The following HIVEP3 variants were observed in gnomAD, a reference collection of about 807,000 sequenced individuals.
HIVEP3 encodes HIVEP zinc finger 3.
In HIVEP3, 49 loss-of-function variants were observed where a neutral mutation model predicts 152.8. That is an observed-to-expected ratio of 0.32 (90% confidence interval 0.26 to 0.41). The LOEUF (loss-of-function observed/expected upper bound fraction) is 0.41, where lower values mean the gene tolerates loss of function less well. Ranked by LOEUF, HIVEP3 falls within the 10% of genes least tolerant of loss-of-function variation. The probability of loss-of-function intolerance (pLI) is 1.00; values close to 1 mark genes in which losing one functional copy is unlikely to be tolerated. For missense variants in HIVEP3, 2,790 were observed against 3,103.3 expected (o/e 0.90, Z 2.40); for synonymous variants, 1,269 against 1,289.0 (o/e 0.98, Z 0.33).
chr1:41,508,815 G>T lies in HIVEP3; in HGVS notation c.*1636C>A, dbSNP rs899154980. 6.6e-6 allele frequency: 1 copy of T among 152,370 alleles called. No homozygotes were observed. Among genetic ancestry groups the T allele is most frequent in the Non-Finnish European group, 1.5e-5 (1 of 68,156 alleles). 9.4% of individuals were successfully genotyped at this position (152,370 alleles called of 1,614,324 possible). ...TCACACAGCCTGGCTGAGGACTGGG[G>T]ATTAGCCAGAGAGGTCCCTGCTCTG... On this transcript the variant is annotated 3_prime_UTR_variant, in exon 9 of 9. Transcript: ENST00000372583.
intron 1 of HIVEP3, among the ~76,000 whole-genome samples, chr1:41,818,675 A>G (rs1227371077): frequency 6.6e-6 from 1 of 152,202 alleles, no homozygotes. Flanking sequence ...GAACCCAGTC[A>G]GTAGCAGATG....
At chr1:41,911,072 A>G (rs896500137) in intron 1 of HIVEP3, among the ~76,000 whole-genome samples, 3 of 152,182 alleles carry the variant, frequency 2.0e-5, no homozygotes, top group African/African-American at 2.4e-5. Flanking sequence ...ATGGTGAGAA[A>G]AAATAACACA....
intron 2 of HIVEP3, among the ~76,000 whole-genome samples, chr1:41,663,879 C>T (rs1645755471): frequency 6.6e-6 from 1 of 152,168 alleles, no homozygotes; most frequent in East Asian, 1.9e-4. Context: ...CTCCCAGGGC[C>T]CAATCCCAGC....
chr1:41,854,056 CG>C (rs1373597599), intron 1 of HIVEP3, among the ~76,000 whole-genome samples: 1 of 152,162 alleles, frequency 6.6e-6, no homozygotes, highest in African/African-American at 2.4e-5. Context: ...TTCACTCACC[CG>C]GCTGTACCTA....
intron 3 of HIVEP3, among the ~76,000 whole-genome samples, chr1:41,608,261 C>T (rs540707406): frequency 6.6e-6 from 1 of 152,286 alleles, no homozygotes; most frequent in Admixed American, 6.5e-5. Flanking sequence ...AGGAAGTGGC[C>T]AGGGAACTCC....
intron 1 of HIVEP3, among the ~76,000 whole-genome samples, chr1:41,898,712 C>T (rs992742291): frequency 1.3e-5 from 2 of 152,246 alleles, no homozygotes; most frequent in Non-Finnish European, 2.9e-5. Context: ...TGTCTGAGTT[C>T]TGAAGGTAGC....
intron 1 of HIVEP3, among the ~76,000 whole-genome samples, chr1:41,989,546 G>C (rs976174108): frequency 6.6e-6 from 1 of 152,220 alleles, no homozygotes; most frequent in East Asian, 1.9e-4. Context: ...GTTCTGAAGA[G>C]AGTTAAGAAG....
At chr1:41,651,328 T>C (rs1367089244) in intron 2 of HIVEP3, among the ~76,000 whole-genome samples, 1 of 150,980 alleles carries the variant, frequency 6.6e-6, no homozygotes, top group Non-Finnish European at 1.5e-5. Context: ...GGAGAATCGC[T>C]TGAACTTGGG....
At position 41,583,516 on chromosome 1, in the gene HIVEP3, G is replaced by A. The variant is rs1415971771; in HGVS notation, c.1282C>T (p.Arg428Trp). Residue 428 changes from arginine to tryptophan, a missense_variant, in exon 4 of 9, where the codon CGG (arginine) becomes TGG (tryptophan). Arg to Trp is a moderately radical substitution (Grantham distance 101). Transcript: ENST00000372583. The surrounding 1 kb of genome is among the most constrained non-coding windows in gnomAD (Gnocchi z 6.9). ...GAGGTGGCTGTCAGCATGGCGGTCC[G>A]CTGTCCTATTCGCCCACACTTGCCA... ...IFGKCGRIGQ[R>W]TAMLTATSTQ... The A allele has an allele frequency of 2.5e-6, 4 of 1,614,054 alleles. No individual in the cohort carries two copies. The highest frequency in any genetic ancestry group is 1.6e-4 in the Middle Eastern group (1 of 6,062).
intron 1 of HIVEP3, among the ~76,000 whole-genome samples, chr1:41,791,121 TACACACACACACACACAC>T (rs60729364): frequency 0.016 from 2,186 of 140,826 alleles, 20 homozygotes; most frequent in Non-Finnish European, 0.021. Flanking sequence ...CACACATGTG[TACACACACACACACACAC>T]ACACACACAC....
chr1:41,640,243 GAGATGA>G (rs555693683), intron 2 of HIVEP3, among the ~76,000 whole-genome samples: 7 of 137,698 alleles, frequency 5.1e-5, no homozygotes, highest in Non-Finnish European at 1.1e-4. Context: ...GCTGCACTTG[GAGATGA>G]AGGTTCTGAG....
intron 1 of HIVEP3, among the ~76,000 whole-genome samples, chr1:41,722,398 G>A (rs1219556415): frequency 3.9e-5 from 5 of 128,982 alleles, no homozygotes; most frequent in Non-Finnish European, 7.9e-5. Flanking sequence ...AAATAAATTT[G>A]GCTGGCCTTC....
rs139355025 is a variant in HIVEP3, at chr1:41,653,215, CGT to C, written c.-720-24270_-720-24269del. On this transcript the variant is annotated intron_variant, in intron 2 of 8. Coordinates refer to ENST00000372583, the MANE Select transcript of HIVEP3 (RefSeq NM_024503.5). ...TTCTGTATGTGTCTAAATGTGTGTG[CGT>C]GTGTGTGTGTGTGTATGTACATAAC... is the stretch of plus-strand genomic sequence containing the variant. Among the ~76,000 whole-genome samples the C allele has an allele frequency of 1.3e-3, 188 of 149,850 alleles. 1 individual carries two copies. The highest frequency in any genetic ancestry group is 3.5e-3 in the Middle Eastern group (1 of 288).
At chr1:41,850,402 A>C (rs977894823) in intron 1 of HIVEP3, among the ~76,000 whole-genome samples, 2 of 152,222 alleles carry the variant, frequency 1.3e-5, no homozygotes, top group Non-Finnish European at 2.9e-5. Flanking sequence ...GGTTCATATA[A>C]TCTAACTACC....
chr1:41,545,311 TCGCTACCATCGCCACCATC>T (rs1643733094), intron 5 of HIVEP3, among the ~76,000 whole-genome samples: 1 of 84,612 alleles, frequency 1.2e-5, no homozygotes, highest in Non-Finnish European at 2.4e-5. Flanking sequence ...TCTACCACCA[TCGCTACCATCGCCACCATC>T]ACCACTATCA....
intron 2 of HIVEP3, among the ~76,000 whole-genome samples, chr1:41,677,679 T>C (rs183571497): frequency 2.3e-4 from 35 of 152,346 alleles, no homozygotes; most frequent in South Asian, 1.7e-3. Context: ...TGTGACAAGC[T>C]CCCAGCTAAA....
intron 2 of HIVEP3, among the ~76,000 whole-genome samples, chr1:41,698,471 T>C (rs1646310501): frequency 6.6e-6 from 1 of 152,200 alleles, no homozygotes; most frequent in Admixed American, 6.5e-5. Flanking sequence ...TCTGGCCTTA[T>C]CATGTAGCTC....
intron 2 of HIVEP3, among the ~76,000 whole-genome samples, chr1:41,694,446 GC>G (rs1275263678): frequency 6.6e-6 from 1 of 152,142 alleles, no homozygotes; most frequent in Non-Finnish European, 1.5e-5. Flanking sequence ...GGAGATATTT[GC>G]CGGGTGAATG....
chr1:41,701,493 C>T (rs1202452550), intron 1 of HIVEP3, among the ~76,000 whole-genome samples: 8 of 152,098 alleles, frequency 5.3e-5, no homozygotes, highest in East Asian at 1.9e-4. Flanking sequence ...TGTGTAGACC[C>T]AGGACAAATG....
Sources: gnomAD v4.1 joint callset for allele counts (sites outside exome capture counted in the v4.1 genomes callset) on GRCh38, gnomAD v4.1.1 for gene constraint, Gnocchi (gnomAD v3.1) non-coding constraint, MANE v1.5 for transcripts, NCBI Gene and HGNC (gene_info 2026-07-23, HGNC 2026-07-21) for gene names.